GRIA4: variants seen among roughly 807,000 people sequenced by gnomAD.
The protein encoded by GRIA4 is glutamate receptor 4.
GRIA4 carries 34 observed loss-of-function variants against 104.0 expected under a neutral mutation model. The ratio of observed to expected loss-of-function variants is 0.33; its 90% CI spans 0.25 to 0.44. The LOEUF (loss-of-function observed/expected upper bound fraction) is 0.44, where lower values mean the gene tolerates loss of function less well. Ranked by LOEUF, GRIA4 falls within the 20% of genes least tolerant of loss-of-function variation. GRIA4 has a pLI of 1.00. For synonymous variants in GRIA4, 386 were observed against 381.9 expected (o/e 1.01, Z -0.13); for missense variants, 750 against 1,096.5 (o/e 0.68, Z 4.46).
rs981962749 is a variant in GRIA4, at chr11:105,891,346, G to C, written c.726+3774G>C. On this transcript the variant is annotated intron_variant, in intron 6 of 16. Coordinates refer to ENST00000282499, the MANE Select transcript of GRIA4 (RefSeq NM_000829.4). ...CCAAATGACATATTGTCCCAACTCT[G>C]AGTCATTGCCCCAATTTTTACCACC... Among the ~76,000 whole-genome samples the C allele has an allele frequency of 2.0e-5, 3 of 152,094 alleles. No homozygotes were observed. In the East Asian group the frequency reaches 5.8e-4, roughly 29 times the overall value.
intron 3 of GRIA4, among the ~76,000 whole-genome samples, chr11:105,716,197 G>T (rs1312580784): frequency 6.6e-6 from 1 of 152,124 alleles, no homozygotes; most frequent in Admixed American, 6.6e-5. Context: ...GTTTTGGAAT[G>T]AATTGAAGGA....
intron 3 of GRIA4, among the ~76,000 whole-genome samples, chr11:105,712,436 T>C (rs1292481289): frequency 6.6e-6 from 1 of 152,024 alleles, no homozygotes; most frequent in African/African-American, 2.4e-5. Flanking sequence ...TTCTTATTCA[T>C]GCTTTGTCAG....
At chr11:105,681,085 C>T (rs1952695070) in intron 3 of GRIA4, among the ~76,000 whole-genome samples, 1 of 152,162 alleles carries the variant, frequency 6.6e-6, no homozygotes, top group African/African-American at 2.4e-5. Context: ...CTGGAGTCTC[C>T]AGTGAGACCT....
intron 3 of GRIA4, among the ~76,000 whole-genome samples, chr11:105,647,889 G>C (rs915475903): frequency 5.9e-5 from 9 of 151,880 alleles, no homozygotes; most frequent in Admixed American, 5.9e-4. Flanking sequence ...AACCCTGGAG[G>C]TTGAGGTTGC....
intron 3 of GRIA4, among the ~76,000 whole-genome samples, chr11:105,698,464 C>T (rs1201706653): frequency 6.6e-6 from 1 of 152,076 alleles, no homozygotes; most frequent in Non-Finnish European, 1.5e-5. Context: ...GGGTCAGAGG[C>T]CATTTTATTA....
intron 3 of GRIA4, among the ~76,000 whole-genome samples, chr11:105,743,241 A>T (rs554604733): frequency 1.3e-5 from 2 of 152,316 alleles, no homozygotes; most frequent in South Asian, 4.1e-4. Context: ...GAGGTCATCT[A>T]GATGATTCAG....
intron 9 of GRIA4, among the ~76,000 whole-genome samples, chr11:105,907,728 C>A (rs1314783231): frequency 6.6e-6 from 1 of 152,116 alleles, no homozygotes; most frequent in African/African-American, 2.4e-5. Flanking sequence ...ACATTATATG[C>A]CACACACTGT....
chr11:105,815,910 A>G (rs1939148), intron 4 of GRIA4, among the ~76,000 whole-genome samples: 83,765 of 152,004 alleles, frequency 0.55, 23,570 homozygotes, highest in African/African-American at 0.68. Context: ...TTATTCAGGC[A>G]GTAAAGCTAC....
Position 105,768,957 on chromosome 11 carries a change from C to T in GRIA4, c.487+15737C>T, listed in dbSNP as rs74729426. Among the ~76,000 whole-genome samples the T allele has an allele frequency of 9.5e-3, 1,448 of 152,000 alleles. 31 individuals are homozygous for T. Among genetic ancestry groups the T allele is most frequent in the African/African-American group, 0.033 (1,380 of 41,468 alleles). ...GTACCTAAGACTTAATATAGCCTTT[C>T]AATTAGAAGAAAGGAAAGGCATTCC... On this transcript the variant is annotated intron_variant, in intron 4 of 16. Coordinates refer to ENST00000282499, the MANE Select transcript of GRIA4 (RefSeq NM_000829.4).
At position 105,943,251 on chromosome 11, in the gene GRIA4, A is replaced by G. The variant is rs1444087730; in HGVS notation, c.2294+9282A>G. Reference sequence around the variant, plus strand: ...AAAGCACTCCTCTGTAAGAAACAACATAGCAAGAAATAAATGCAGGTCTTG... The same window carrying G: ...AAAGCACTCCTCTGTAAGAAACAACGTAGCAAGAAATAAATGCAGGTCTTG... On this transcript the variant is annotated intron_variant, in intron 14 of 16. Coordinates refer to ENST00000282499, the MANE Select transcript of GRIA4 (RefSeq NM_000829.4). 2.0e-5 allele frequency among the ~76,000 whole-genome samples: 3 copies of G among 152,264 alleles called. No individual in the cohort carries two copies. In the East Asian group the frequency reaches 5.8e-4, roughly 29 times the overall value.
intron 14 of GRIA4, among the ~76,000 whole-genome samples, chr11:105,947,200 A>C (rs1948337442): frequency 6.6e-6 from 1 of 152,206 alleles, no homozygotes; most frequent in African/African-American, 2.4e-5. Context: ...AGCTCATGGC[A>C]TATTTTGTTG....
chr11:105,618,600 A>G (rs1351787505), intron 3 of GRIA4, among the ~76,000 whole-genome samples: 1 of 152,006 alleles, frequency 6.6e-6, no homozygotes, highest in Non-Finnish European at 1.5e-5. Flanking sequence ...AGCAGATCTG[A>G]GTGGGGAGGG....
At chr11:105,863,688 C>CA (rs1945308110) in intron 5 of GRIA4, among the ~76,000 whole-genome samples, 1 of 152,102 alleles carries the variant, frequency 6.6e-6, no homozygotes, top group Non-Finnish European at 1.5e-5. Flanking sequence ...GTAAATAACT[C>CA]ACGATGAATC....
intron 10 of GRIA4, among the ~76,000 whole-genome samples, chr11:105,917,357 A>G (rs1947435603): frequency 6.6e-6 from 1 of 152,216 alleles, no homozygotes; most frequent in Non-Finnish European, 1.5e-5. Flanking sequence ...TCTCTATGAG[A>G]AAATAAAATG....
At chr11:105,680,659 A>G (rs564426974) in intron 3 of GRIA4, among the ~76,000 whole-genome samples, 41 of 152,270 alleles carry the variant, frequency 2.7e-4, no homozygotes, top group African/African-American at 9.1e-4. Context: ...TTTTAAAAAA[A>G]TATATCTTCA....
intron 6 of GRIA4, among the ~76,000 whole-genome samples, chr11:105,893,840 G>A (rs1035264855): frequency 5.3e-5 from 8 of 152,268 alleles, no homozygotes; most frequent in East Asian, 3.9e-4. Context: ...TGGGTCTGCC[G>A]TATACTCTGA....
At chr11:105,879,856 T>C (rs1415885614) in intron 5 of GRIA4, among the ~76,000 whole-genome samples, 1 of 152,202 alleles carries the variant, frequency 6.6e-6, no homozygotes, top group South Asian at 2.1e-4. Context: ...TTATGAAAGA[T>C]ATATTAACAT....
intron 13 of GRIA4, among the ~76,000 whole-genome samples, chr11:105,929,080 C>T (rs1018884896): frequency 7.2e-5 from 11 of 152,036 alleles, no homozygotes; most frequent in African/African-American, 2.2e-4. Context: ...CCTGGCAACA[C>T]GCTTTCAGGA....
chr11:105,623,255 T>C (rs1482300564), intron 3 of GRIA4, among the ~76,000 whole-genome samples: 2 of 151,698 alleles, frequency 1.3e-5, no homozygotes, highest in African/African-American at 4.8e-5. Flanking sequence ...GATCAAAGGG[T>C]AGTACTATTT....
Sources: gnomAD v4.1 joint callset for allele counts (sites outside exome capture counted in the v4.1 genomes callset) on GRCh38, gnomAD v4.1.1 for gene constraint, MANE v1.5 for transcripts, NCBI Gene and HGNC (gene_info 2026-07-23, HGNC 2026-07-21) for gene names.